NELL1: variants seen among roughly 807,000 people sequenced by gnomAD.
NELL1 encodes the protein protein kinase C-binding protein NELL1.
Under a neutral mutation model 107.4 loss-of-function variants are expected in NELL1, and 76 were observed. The ratio of observed to expected loss-of-function variants is 0.71; its 90% CI spans 0.59 to 0.86. The LOEUF is 0.86. Among genes scored for constraint, NELL1 ranks in the 40% least tolerant of loss-of-function variants. The pLI, the probability that NELL1 is intolerant of heterozygous loss-of-function variation, is 0.00. For synonymous variants in NELL1, 353 were observed against 341.2 expected (o/e 1.03, Z -0.38); for missense variants, 1,024 against 1,005.5 (o/e 1.02, Z -0.25).
At chr11:21,319,518 T>TATATATATATATATA (rs1565165685) in intron 14 of NELL1, among the ~76,000 whole-genome samples, 1 of 112,848 alleles carries the variant, frequency 8.9e-6, no homozygotes, top group African/African-American at 3.0e-5. Flanking sequence ...ATATATATAT[T>TATATATATATATATA]TTTAGTAGAG....
chr11:21,370,667 C>A (rs181229512), intron 14 of NELL1, among the ~76,000 whole-genome samples, 186 bp from the exon 15 acceptor site: 26 of 152,188 alleles, frequency 1.7e-4, no homozygotes, highest in Admixed American at 2.0e-4. Flanking sequence ...CAGTTGATTT[C>A]ATATAAACCA....
intron 13 of NELL1, chr11:21,169,985 C>A: frequency 2.2e-6 from 3 of 1,339,340 alleles, no homozygotes; most frequent in African/African-American, 1.5e-5. Flanking sequence ...CAGTGCAATG[C>A]GGGCTCCTCA....
At chr11:21,092,234 G>T (rs77284861) in intron 12 of NELL1, among the ~76,000 whole-genome samples, 1,566 of 152,254 alleles carry the variant, frequency 0.01, 26 homozygotes, top group African/African-American at 0.036. Flanking sequence ...AATATTCATG[G>T]TTAGTAGAAG....
intron 3 of NELL1, among the ~76,000 whole-genome samples, chr11:20,810,579 A>G (rs536873928): frequency 2.0e-5 from 3 of 152,316 alleles, no homozygotes; most frequent in South Asian, 2.1e-4. Context: ...GTAATATTCC[A>G]TAATATATAT....
chr11:21,050,171 C>A (rs1026737508), intron 12 of NELL1, among the ~76,000 whole-genome samples: 3 of 152,106 alleles, frequency 2.0e-5, no homozygotes, highest in African/African-American at 7.2e-5. Flanking sequence ...TTGCCCCACT[C>A]CTTCTTAGCA....
intron 12 of NELL1, among the ~76,000 whole-genome samples, chr11:20,975,518 AATAT>A (rs1279859328): frequency 6.8e-6 from 1 of 146,632 alleles, no homozygotes; most frequent in Non-Finnish European, 1.5e-5. Flanking sequence ...TATATTATTT[AATAT>A]ATATTCAATA....
At chr11:20,717,989 T>C (rs1311153360) in intron 2 of NELL1, among the ~76,000 whole-genome samples, 3 of 152,190 alleles carry the variant, frequency 2.0e-5, no homozygotes, top group Non-Finnish European at 4.4e-5. Context: ...CACTTGTTCC[T>C]GCTAATCTCT....
At chr11:20,943,043 T>A (rs1184941043) in intron 10 of NELL1, among the ~76,000 whole-genome samples, 1 of 145,530 alleles carries the variant, frequency 6.9e-6, no homozygotes, top group Admixed American at 6.8e-5. Flanking sequence ...ACACTTGGGT[T>A]CATCTTTTAC....
intron 2 of NELL1, among the ~76,000 whole-genome samples, chr11:20,752,865 A>G (rs1031198637): frequency 1.3e-5 from 2 of 152,228 alleles, no homozygotes; most frequent in African/African-American, 4.8e-5. Flanking sequence ...ATCAGAAATT[A>G]CCATAATTTT....
chr11:21,266,380 T>C (rs1848637367), intron 14 of NELL1, among the ~76,000 whole-genome samples: 1 of 152,046 alleles, frequency 6.6e-6, no homozygotes, highest in South Asian at 2.1e-4. Flanking sequence ...CCAAAAGATA[T>C]CAGGAACCTT....
chr11:21,030,965 A>T (rs564337384), intron 12 of NELL1, among the ~76,000 whole-genome samples: 1 of 152,298 alleles, frequency 6.6e-6, no homozygotes, highest in Admixed American at 6.5e-5. Flanking sequence ...TCCTGGGCTC[A>T]GGCAATTCTC....
intron 4 of NELL1, among the ~76,000 whole-genome samples, chr11:20,852,197 C>G (rs970005282): frequency 2.0e-5 from 3 of 147,910 alleles, no homozygotes; most frequent in African/African-American, 7.3e-5. Flanking sequence ...ATGGCACATA[C>G]ACACACATCT....
rs554711067 is a variant in NELL1, at chr11:20,980,756, C to G, written c.1300+20196C>G. On this transcript the variant is annotated intron_variant, in intron 12 of 19. Coordinates refer to ENST00000357134, the MANE Select transcript of NELL1 (RefSeq NM_006157.5). ...CCCATAGTCTGACCACTGGGTAACC[C>G]AGGGAGTCCAAGGCCCTGGGATTCT... Among the ~76,000 whole-genome samples, 3 of 152,272 alleles carry G rather than the reference C, an allele frequency of 2.0e-5. No individual in the cohort carries two copies. The East Asian group carries it at 5.8e-4, about 29-fold the overall frequency.
At chr11:21,278,040 A>T (rs1442720436) in intron 14 of NELL1, among the ~76,000 whole-genome samples, 2 of 62,764 alleles carry the variant, frequency 3.2e-5, no homozygotes, top group African/African-American at 8.7e-5. Flanking sequence ...CTAAAACTTG[A>T]AGTATAATAA....
intron 6 of NELL1, among the ~76,000 whole-genome samples, chr11:20,918,701 G>A (rs1440903714): frequency 6.6e-6 from 1 of 151,956 alleles, no homozygotes; most frequent in East Asian, 1.9e-4. Flanking sequence ...GGGAGTAACT[G>A]CCTTCATGAT....
intron 15 of NELL1, among the ~76,000 whole-genome samples, chr11:21,507,427 C>A (rs1475569325): frequency 6.6e-6 from 1 of 152,132 alleles, no homozygotes; most frequent in Non-Finnish European, 1.5e-5. Context: ...GGAAAACAAT[C>A]TTTCATTTAA....
At position 21,575,221 on chromosome 11, in the gene NELL1, A is replaced by T; in HGVS notation, c.*199A>T. ...TTGCTCATTCTTGCTAACCTAGTCT[A>T]GGTGACCTACAGTGCCGTGCATTTA... On this transcript the variant is annotated 3_prime_UTR_variant, in exon 20 of 20. Transcript: ENST00000357134. 3.5e-6 allele frequency: 2 copies of T among 573,248 alleles called. No individual in the cohort carries two copies. The highest frequency in any genetic ancestry group is 6.3e-6 in the Non-Finnish European group (2 of 318,426). The allele number at this position is 573,248 out of a possible 1,614,324, so 35.5% of individuals were successfully genotyped here.
chr11:21,246,228 A>T (rs117015789), intron 14 of NELL1, among the ~76,000 whole-genome samples: 1 of 152,254 alleles, frequency 6.6e-6, no homozygotes, highest in East Asian at 1.9e-4. Context: ...TTGTCTCCAT[A>T]TTATATGTGA....
chr11:20,950,955 G>A (rs574727740), intron 11 of NELL1, among the ~76,000 whole-genome samples: 51 of 152,250 alleles, frequency 3.3e-4, no homozygotes, highest in African/African-American at 9.9e-4. Flanking sequence ...GTGACCATCC[G>A]GTCATTAGTC....
Sources: allele counts gnomAD v4.1 joint callset (sites outside exome capture counted in the v4.1 genomes callset), GRCh38; gene constraint gnomAD v4.1.1; transcripts MANE v1.5; gene names NCBI Gene and HGNC (gene_info 2026-07-23, HGNC 2026-07-21).